The following GLRA1 variants were observed in gnomAD, a reference collection of about 807,000 sequenced individuals.
GLRA1 encodes the protein glycine receptor alpha 1, also known as glycine receptor subunit alpha-1.
In GLRA1, 37 loss-of-function variants were observed where a neutral mutation model predicts 48.3. That is an observed-to-expected ratio of 0.77 (90% CI 0.59 to 1.01). GLRA1 has a LOEUF of 1.01. Ranked by LOEUF, GLRA1 falls within the 50% of genes least tolerant of loss-of-function variation. The pLI is 0.00. For missense variants in GLRA1, 427 were observed against 571.0 expected (o/e 0.75, Z 2.57); for synonymous variants, 196 against 210.7 (o/e 0.93, Z 0.60).
At position 151,859,955 on chromosome 5, in the gene GLRA1, G is replaced by A. The variant is rs774085354; in HGVS notation, c.306C>T (p.Ala102=). Reference sequence around the variant, plus strand: ...GAGAGTCGTCAGGGTATTCATTATAGGCCAGGCGGGGGTCGTTCCATTGCT... The same window carrying A: ...GAGAGTCGTCAGGGTATTCATTATAAGCCAGGCGGGGGTCGTTCCATTGCT... ...LRQQWNDPRL[A]YNEYPDDSLD... is the part of the protein sequence containing the mutation. The change falls in exon 4 of 9, where the codon GCC becomes GCT. Residue 102 remains alanine, a synonymous_variant. Transcript: ENST00000274576. 4 of 1,613,996 alleles carry A rather than the reference G, an allele frequency of 2.5e-6. No individual in the cohort carries two copies. In the Admixed American group the frequency reaches 6.7e-5, roughly 27 times the overall value.
At chr5:151,859,599 C>G (rs954478310) in intron 4 of GLRA1, among the ~76,000 whole-genome samples, 186 bp downstream of exon 4, 2 of 152,108 alleles carry the variant, frequency 1.3e-5, no homozygotes, top group African/African-American at 4.8e-5. Context: ...AATAAAATGC[C>G]CCATTGTATT....
intron 1 of GLRA1, among the ~76,000 whole-genome samples, chr5:151,906,675 T>C (rs1561580013): frequency 6.6e-6 from 1 of 152,196 alleles, no homozygotes; most frequent in Non-Finnish European, 1.5e-5. Flanking sequence ...TTGCAAATAT[T>C]ATTTATTTTT....
rs151288368 is a variant in GLRA1 at position 151,920,054 on chromosome 5, C to T, written c.56+4440G>A. Among the ~76,000 whole-genome samples the T allele has an allele frequency of 1.1e-4, 17 of 152,362 alleles. No homozygotes were observed. The East Asian group carries it at 2.9e-3, about 26-fold the overall frequency. ...AAGGGAGCAGTGTCTCCCCTTTCTG[C>T]AATGACAGGGACTCTGGCATCTGTG... On this transcript the variant is annotated intron_variant, in intron 1 of 8. Transcript: ENST00000274576.
intron 7 of GLRA1, among the ~76,000 whole-genome samples, chr5:151,840,393 T>C (rs1763686945): frequency 1.3e-5 from 2 of 151,668 alleles, no homozygotes; most frequent in Admixed American, 1.3e-4. Context: ...GCAACTGCAC[T>C]CACAAAAATA....
intron 1 of GLRA1, among the ~76,000 whole-genome samples, chr5:151,913,996 ATG>A (rs1480665639): frequency 3.3e-5 from 5 of 152,226 alleles, no homozygotes; most frequent in Admixed American, 3.3e-4. Flanking sequence ...TAAGATTTAC[ATG>A]TATTTTAGTT....
At chr5:151,871,621 C>T (rs1039867806) in intron 3 of GLRA1, among the ~76,000 whole-genome samples, 3 of 147,526 alleles carry the variant, frequency 2.0e-5, no homozygotes, top group Admixed American at 2.0e-4. Flanking sequence ...AGTGCAGTGG[C>T]ACGATCTCGG....
intron 1 of GLRA1, among the ~76,000 whole-genome samples, chr5:151,896,061 A>G (rs1378837531): frequency 6.6e-6 from 1 of 152,136 alleles, no homozygotes; most frequent in Non-Finnish European, 1.5e-5. Flanking sequence ...CCTGAATCCT[A>G]TTGGGCAGTA....
intron 6 of GLRA1, among the ~76,000 whole-genome samples, chr5:151,851,959 G>T (rs1356598320): frequency 6.6e-6 from 1 of 151,914 alleles, no homozygotes; most frequent in Non-Finnish European, 1.5e-5. Flanking sequence ...CTAAGAATGG[G>T]CCTGACTAAG....
At position 151,867,133 on chromosome 5, in the gene GLRA1, A is replaced by G. The variant is rs1445642118; in HGVS notation, c.253-7125T>C. On this transcript the variant is annotated intron_variant, in intron 3 of 8. Transcript: ENST00000274576. Reference sequence around the variant, plus strand: ...CTCAAAAATAAATACATAAATAAATATAAATAAATAAATACTTTTAACAAA... The same window carrying G: ...CTCAAAAATAAATACATAAATAAATGTAAATAAATAAATACTTTTAACAAA... Among the ~76,000 whole-genome samples the G allele has an allele frequency of 6.1e-5, 9 of 147,136 alleles. No individual in the cohort carries two copies. In the East Asian group the frequency reaches 1.7e-3, roughly 28 times the overall value.
intron 1 of GLRA1, among the ~76,000 whole-genome samples, chr5:151,913,314 T>C (rs919867577): frequency 3.3e-5 from 5 of 152,182 alleles, no homozygotes; most frequent in African/African-American, 1.2e-4. Flanking sequence ...AACCTAGAGC[T>C]GGTTGGTGTG....
intron 2 of GLRA1, among the ~76,000 whole-genome samples, chr5:151,891,138 G>A (rs1159425683): frequency 6.6e-6 from 1 of 152,190 alleles, no homozygotes; most frequent in Non-Finnish European, 1.5e-5. Flanking sequence ...TTGTCTAGGA[G>A]GCTGGCTGCA....
rs150259564 is a variant in GLRA1 at position 151,884,195 on chromosome 5, G to A, written c.252+2526C>T. The stretch of plus-strand genomic sequence containing the variant: ...TGTAATCCCAACACTTTGGGAGGCC[G>A]AGGTGGGTGGATCACATGAGGCCAG... On this transcript the variant is annotated intron_variant, in intron 3 of 8. Transcript: ENST00000274576. Among the ~76,000 whole-genome samples the A allele has an allele frequency of 8.4e-3, 1,278 of 152,252 alleles. 28 individuals are homozygous for A. The highest frequency in any genetic ancestry group is 0.028 in the African/African-American group (1,170 of 41,552).
intron 7 of GLRA1, among the ~76,000 whole-genome samples, chr5:151,830,696 A>G (rs1010453894): frequency 2.0e-5 from 3 of 152,204 alleles, no homozygotes; most frequent in African/African-American, 7.2e-5. Flanking sequence ...TACCAACCTG[A>G]GCAGAGACTT....
chr5:151,904,616 C>T (rs1754435186), intron 1 of GLRA1, among the ~76,000 whole-genome samples: 1 of 152,176 alleles, frequency 6.6e-6, no homozygotes, highest in Non-Finnish European at 1.5e-5. Context: ...AGCACATGGA[C>T]TCTGGCCTCA....
At chr5:151,834,162 C>T (rs553585852) in intron 7 of GLRA1, among the ~76,000 whole-genome samples, 1 of 152,314 alleles carries the variant, frequency 6.6e-6, no homozygotes, top group East Asian at 1.9e-4. Flanking sequence ...CCAAAATCAA[C>T]AAAATATACC....
At chr5:151,880,406 C>A (rs1372391863) in intron 3 of GLRA1, among the ~76,000 whole-genome samples, 2 of 152,170 alleles carry the variant, frequency 1.3e-5, no homozygotes, top group African/African-American at 4.8e-5. Flanking sequence ...CTGTCCATTG[C>A]CCCTTAAAGT....
At chr5:151,850,763 C>T (rs1752882315) in intron 7 of GLRA1, 3 of 1,016,714 alleles carry the variant, frequency 3.0e-6, no homozygotes, top group Admixed American at 3.4e-5. Flanking sequence ...CTCAATGAAA[C>T]CGGCAATGAG....
intron 8 of GLRA1, among the ~76,000 whole-genome samples, chr5:151,826,821 C>T (rs1162389086): frequency 6.6e-6 from 1 of 152,146 alleles, no homozygotes; most frequent in Non-Finnish European, 1.5e-5. Flanking sequence ...CCATTTTAGT[C>T]CATACAAACA....
intron 1 of GLRA1, among the ~76,000 whole-genome samples, chr5:151,907,840 T>C (rs1007494159): frequency 1.3e-5 from 2 of 152,244 alleles, no homozygotes. Context: ...GTCTCTTTCT[T>C]GCCTGGGATT....
Sources: gnomAD v4.1 joint callset for allele counts (sites outside exome capture counted in the v4.1 genomes callset) on GRCh38, gnomAD v4.1.1 for gene constraint, MANE v1.5 for transcripts, NCBI Gene and HGNC (gene_info 2026-07-23, HGNC 2026-07-21) for gene names.